Variants in FHIP1A observed in about 807,000 individuals in gnomAD.
The protein encoded by FHIP1A is FHF complex subunit HOOK interacting protein 1A, also known as FHF complex subunit HOOK-interacting protein 1A.
FHIP1A carries 61 observed loss-of-function variants against 88.6 expected under a neutral mutation model. That is an observed-to-expected ratio of 0.69 (90% CI 0.56 to 0.85). The LOEUF is 0.85. Among genes scored for constraint, FHIP1A ranks in the 40% least tolerant of loss-of-function variants. FHIP1A has a pLI of 0.00. For missense variants in FHIP1A, 1,154 were observed against 1,273.5 expected (o/e 0.91, Z 1.43); for synonymous variants, 478 against 496.0 (o/e 0.96, Z 0.48).
chr4:151,440,968 C>T (rs536333045), intron 1 of FHIP1A, among the ~76,000 whole-genome samples: 11 of 152,126 alleles, frequency 7.2e-5, no homozygotes, highest in Non-Finnish European at 1.3e-4. Flanking sequence ...TTTAAATCCC[C>T]TCTGTTCACT....
chr4:151,462,266 G>A (rs952986093), intron 2 of FHIP1A, among the ~76,000 whole-genome samples: 1 of 152,132 alleles, frequency 6.6e-6, no homozygotes, highest in Non-Finnish European at 1.5e-5. Context: ...TTCCTGAGAT[G>A]CACCATGGGT....
chr4:151,650,639 G>A, intron 11 of FHIP1A, 47 bp downstream of exon 11: 2 of 1,498,826 alleles, frequency 1.3e-6, no homozygotes, highest in Non-Finnish European at 1.8e-6. Flanking sequence ...GAAAGTACTT[G>A]TATATATTGG....
rs565979970 is a variant in FHIP1A, at chr4:151,649,847, G to A, written c.1806G>A (p.Leu602=). Residue 602 remains leucine (L), a synonymous_variant, in exon 11 of 14, where the codon CTG becomes CTA. Coordinates refer to ENST00000435205, the MANE Select transcript of FHIP1A (RefSeq NM_001109977.3). ...GCTCCCCAGGGCCTTATGATGATCT[G>A]GAGGTTTCAGGCCCCCCAGCACCCA... ...DVGSPGPYDD[L]EVSGPPAPID... is the part of the protein sequence containing the mutation. 1 of 1,551,598 alleles carries A rather than the reference G, an allele frequency of 6.4e-7. No homozygotes were observed. Among genetic ancestry groups the A allele is most frequent in the African/African-American group, 1.4e-5 (1 of 73,126 alleles).
chr4:151,556,506 C>T (rs1486193746), intron 3 of FHIP1A, among the ~76,000 whole-genome samples: 4 of 152,094 alleles, frequency 2.6e-5, no homozygotes, highest in African/African-American at 4.8e-5. Flanking sequence ...GGATGGCTTA[C>T]CTGTATTACA....
At chr4:151,558,104 G>A (rs1395791560) in intron 3 of FHIP1A, among the ~76,000 whole-genome samples, 1 of 152,138 alleles carries the variant, frequency 6.6e-6, no homozygotes, top group Non-Finnish European at 1.5e-5. Flanking sequence ...CCATTAATGA[G>A]TGCAATATTT....
intron 3 of FHIP1A, among the ~76,000 whole-genome samples, chr4:151,549,759 A>T (rs759167515): frequency 1.9e-4 from 29 of 152,080 alleles, no homozygotes; most frequent in Non-Finnish European, 3.8e-4. Context: ...CTTGCATGAG[A>T]TCCAAGAGCC....
chr4:151,409,544 A>T (rs1732516380), intron 1 of FHIP1A, 79 bp downstream of exon 1: 1 of 152,608 alleles, frequency 6.6e-6, no homozygotes. Flanking sequence ...GGAGAGTCGA[A>T]ATGTCCCTTC....
intron 3 of FHIP1A, among the ~76,000 whole-genome samples, chr4:151,529,330 G>T (rs1319467495): frequency 6.6e-6 from 1 of 152,174 alleles, no homozygotes; most frequent in African/African-American, 2.4e-5. Context: ...CATTCTGGGA[G>T]TCCGCCGTTA....
chr4:151,499,672 A>ATC (rs1157041569), intron 3 of FHIP1A, among the ~76,000 whole-genome samples: 1 of 152,234 alleles, frequency 6.6e-6, no homozygotes, highest in Non-Finnish European at 1.5e-5. Flanking sequence ...TAATTAACTT[A>ATC]GAGTTCAGCG....
Position 151,577,871 on chromosome 4 carries a change from A to G in FHIP1A, c.527A>G (p.Asp176Gly). The G allele has an allele frequency of 6.4e-7, 1 of 1,551,808 alleles. No homozygotes were observed. Among genetic ancestry groups the G allele is most frequent in the Middle Eastern group, 1.7e-4 (1 of 5,994 alleles). The change falls in exon 5 of 14, where the codon GAT becomes GGT. Residue 176 changes from aspartate (D) to glycine (G), a missense_variant. By Grantham distance (94) the Asp-to-Gly change is moderately conservative. Transcript: ENST00000435205. The stretch of plus-strand genomic sequence containing the variant: ...CAGCTCTGTTCCATTCTTGCCAAAG[A>G]TCCATCCATTTTAGAACTCTTCTTC... ...LNQLCSILAK[D>G]PSILELFFHT...
intron 4 of FHIP1A, among the ~76,000 whole-genome samples, chr4:151,569,050 A>G (rs911669421): frequency 1.3e-5 from 2 of 152,130 alleles, no homozygotes; most frequent in African/African-American, 4.8e-5. Context: ...GGGGTGGGTG[A>G]AGAGCAGTTG....
At chr4:151,426,018 G>A (rs747563182) in intron 1 of FHIP1A, among the ~76,000 whole-genome samples, 1 of 152,050 alleles carries the variant, frequency 6.6e-6, no homozygotes, top group Non-Finnish European at 1.5e-5. Flanking sequence ...ACAGGTTCTG[G>A]GGATTAGGAA....
chr4:151,457,684 G>A (rs1729013556), intron 2 of FHIP1A, among the ~76,000 whole-genome samples: 1 of 152,012 alleles, frequency 6.6e-6, no homozygotes, highest in Admixed American at 6.6e-5. Flanking sequence ...ATACTGTCTG[G>A]CTGCCCTAGT....
Position 151,545,369 on chromosome 4 carries a change from C to CTTTT in FHIP1A, c.-122-20746_-122-20743dup, listed in dbSNP as rs569126288. On this transcript the variant is annotated intron_variant, in intron 3 of 13. Coordinates refer to ENST00000435205, the MANE Select transcript of FHIP1A (RefSeq NM_001109977.3). ...CAAGGCAAAATATTTCCTTATCCTT[C>CTTTT]TTTTTTTTTTTTTTTTTTTTTTTTT... 2.0e-3 allele frequency among the ~76,000 whole-genome samples: 161 copies of CTTTT among 81,684 alleles called. 13 individuals are homozygous for CTTTT. Among genetic ancestry groups the CTTTT allele is most frequent in the Non-Finnish European group, 2.8e-3 (121 of 43,700 alleles). The allele number at this position is 81,684 out of a possible 152,430, so 53.6% of individuals were successfully genotyped here.
At chr4:151,647,704 A>G (rs1037007367) in intron 10 of FHIP1A, among the ~76,000 whole-genome samples, 2 of 152,256 alleles carry the variant, frequency 1.3e-5, no homozygotes, top group African/African-American at 2.4e-5. Flanking sequence ...GCAAATTAGT[A>G]TGGATATCTT....
intron 3 of FHIP1A, among the ~76,000 whole-genome samples, chr4:151,528,679 G>A (rs975063139): frequency 1.3e-5 from 2 of 152,116 alleles, no homozygotes; most frequent in African/African-American, 4.8e-5. Context: ...GGGAAACTTT[G>A]CTTTTAGGTT....
intron 5 of FHIP1A, among the ~76,000 whole-genome samples, chr4:151,584,161 T>C (rs1452574038): frequency 3.3e-5 from 5 of 152,176 alleles, no homozygotes; most frequent in African/African-American, 7.2e-5. Flanking sequence ...CACTGGGGGC[T>C]CCTATACCAT....
intron 2 of FHIP1A, among the ~76,000 whole-genome samples, chr4:151,472,227 C>T (rs1035378410): frequency 6.6e-6 from 1 of 152,078 alleles, no homozygotes; most frequent in Non-Finnish European, 1.5e-5. Context: ...GATCTGATTT[C>T]AAAATAGCTT....
intron 1 of FHIP1A, among the ~76,000 whole-genome samples, chr4:151,412,602 T>TCCTTCCTC (rs1561484050): frequency 7.2e-6 from 1 of 139,560 alleles, no homozygotes; most frequent in African/African-American, 2.8e-5. Context: ...CTTCCTTCCT[T>TCCTTCCTC]CCTTCCTTCC....
Sources: gnomAD v4.1 joint callset for allele counts (sites outside exome capture counted in the v4.1 genomes callset) on GRCh38, gnomAD v4.1.1 for gene constraint, MANE v1.5 for transcripts, NCBI Gene and HGNC (gene_info 2026-07-23, HGNC 2026-07-21) for gene names.